Variants in LAMA3 observed in about 807,000 individuals in gnomAD.
The protein encoded by LAMA3 is laminin subunit alpha-3.
In LAMA3, 281 loss-of-function variants were observed where a neutral mutation model predicts 402.0. The observed-to-expected ratio is 0.70, with a 90% CI of 0.63 to 0.77. The LOEUF (loss-of-function observed/expected upper bound fraction) is 0.77, where lower values mean the gene tolerates loss of function less well. Among genes scored for constraint, LAMA3 ranks in the 30% least tolerant of loss-of-function variants. The pLI, the probability that LAMA3 is intolerant of heterozygous loss-of-function variation, is 0.00. For synonymous variants in LAMA3, 1,431 were observed against 1,558.4 expected, an observed-to-expected ratio of 0.92 and a Z score of 1.93; for missense variants, 3,840 against 4,215.5, an observed-to-expected ratio of 0.91 and a Z score of 2.47.
At chr18:23,863,350 C>T (rs1223431437) in intron 35 of LAMA3, among the ~76,000 whole-genome samples, 1 of 152,152 alleles carries the variant, frequency 6.6e-6, no homozygotes, top group Non-Finnish European at 1.5e-5. Flanking sequence ...GAGGCTGAGC[C>T]AGGAGAATCA....
At chr18:23,794,979 T>G (rs1345300920) in intron 12 of LAMA3, among the ~76,000 whole-genome samples, 1 of 152,220 alleles carries the variant, frequency 6.6e-6, no homozygotes. Context: ...CAGAGTATTA[T>G]TCCATCCAGT....
At chr18:23,877,782 A>G (rs551206905) in intron 39 of LAMA3, among the ~76,000 whole-genome samples, 1 of 152,332 alleles carries the variant, frequency 6.6e-6, no homozygotes, top group South Asian at 2.1e-4. Context: ...TTGATATTGT[A>G]TGTTTTGTGT....
intron 1 of LAMA3, among the ~76,000 whole-genome samples, chr18:23,700,723 A>C (rs1444164999): frequency 1.3e-5 from 2 of 152,030 alleles, no homozygotes; most frequent in Non-Finnish European, 2.9e-5. Flanking sequence ...TTTGAGGCAC[A>C]ATCTCACTCT....
At chr18:23,810,601 C>G (rs1033329190) in intron 13 of LAMA3, 98 bp downstream of exon 13, 6 of 1,320,776 alleles carry the variant, frequency 4.5e-6, no homozygotes, top group Non-Finnish European at 6.5e-6. Flanking sequence ...AGACTCACCA[C>G]TGGCCACCCC....
intron 2 of LAMA3, among the ~76,000 whole-genome samples, chr18:23,747,184 G>A (rs1393352454): frequency 6.6e-6 from 1 of 152,096 alleles, no homozygotes; most frequent in Admixed American, 6.6e-5. Context: ...AGGCTCTTTG[G>A]GAAATAGGAC....
At chr18:23,747,659 A>G (rs543499616) in intron 2 of LAMA3, among the ~76,000 whole-genome samples, 1 of 152,258 alleles carries the variant, frequency 6.6e-6, no homozygotes, top group South Asian at 2.1e-4. Context: ...GATACACTGT[A>G]GACTGGTTGC....
chr18:23,763,512 A>T lies in LAMA3; in HGVS notation c.1171A>T (p.Ile391Phe), dbSNP rs774327823. Residue 391 changes from isoleucine to phenylalanine, a missense_variant, in exon 8 of 75, where the codon ATT (isoleucine) becomes TTT (phenylalanine). Ile to Phe is a conservative substitution (Grantham distance 21). Coordinates refer to ENST00000313654, the MANE Select transcript of LAMA3 (RefSeq NM_198129.4). ...QGIYAGGGVCINCQHNTAGVN... is the reference protein window; with the variant it reads ...QGIYAGGGVCFNCQHNTAGVN... ...CATCTATGCTGGTGGAGGGGTCTGCATTAACTGTCAGGTGAGGCACTATTT... is the reference window on the plus strand; with the variant it reads ...CATCTATGCTGGTGGAGGGGTCTGCTTTAACTGTCAGGTGAGGCACTATTT... The T allele has an allele frequency of 6.3e-7, 1 of 1,595,534 alleles. No individual in the cohort carries two copies. The highest frequency in any genetic ancestry group is 8.6e-7 in the Non-Finnish European group (1 of 1,163,076).
chr18:23,717,906 C>T (rs12957301), intron 2 of LAMA3, among the ~76,000 whole-genome samples: 71,001 of 151,336 alleles, frequency 0.47, 18,939 homozygotes, highest in Non-Finnish European at 0.61. Context: ...CCCCTTAAAA[C>T]GTGGTAAATG....
At position 23,931,395 on chromosome 18, in the gene LAMA3, G is replaced by A. The variant is rs748945410; in HGVS notation, c.8576+194G>A. ...TAAACTGCCACACATGGTGGCTCAT[G>A]TCTGTAATCCCAACAACTAAGAAGG... On this transcript the variant is annotated intron_variant, in intron 65 of 74. Transcript: ENST00000313654. 14 of 596,392 alleles carry A rather than the reference G, an allele frequency of 2.3e-5. No individual in the cohort carries two copies. In the South Asian group the frequency reaches 2.4e-4, roughly 10 times the overall value. 36.9% of individuals were successfully genotyped at this position (596,392 alleles called of 1,614,324 possible).
intron 32 of LAMA3, among the ~76,000 whole-genome samples, chr18:23,853,065 C>T (rs2063981950): frequency 6.6e-6 from 1 of 152,150 alleles, no homozygotes; most frequent in Non-Finnish European, 1.5e-5. Flanking sequence ...CATTCTAGGT[C>T]CTGTGTCCGC....
intron 51 of LAMA3, 98 bp from the exon 52 acceptor site, chr18:23,905,424 A>G: frequency 2.7e-6 from 2 of 747,736 alleles, no homozygotes; most frequent in Non-Finnish European, 2.4e-6. Flanking sequence ...TTTGAACTTC[A>G]TCCTTAAAAT....
chr18:23,930,787 C>A (rs191345647), intron 64 of LAMA3, among the ~76,000 whole-genome samples: 1 of 151,874 alleles, frequency 6.6e-6, no homozygotes, highest in Non-Finnish European at 1.5e-5. Flanking sequence ...TTTGTATAGT[C>A]GATTGAGAAA....
At chr18:23,845,218 C>G (rs1314027043) in intron 30 of LAMA3, 94 bp downstream of exon 30, 1 of 761,644 alleles carries the variant, frequency 1.3e-6, no homozygotes, top group African/African-American at 1.7e-5. Context: ...CCCATGGATC[C>G]GTCCTCTTCC....
At chr18:23,710,674 T>C (rs2060974765) in intron 1 of LAMA3, among the ~76,000 whole-genome samples, 1 of 152,100 alleles carries the variant, frequency 6.6e-6, no homozygotes, top group African/African-American at 2.4e-5. Context: ...GACATTGAGA[T>C]GTAAGGTAAA....
chr18:23,792,090 G>T (rs1253979845), intron 12 of LAMA3, among the ~76,000 whole-genome samples: 2 of 152,176 alleles, frequency 1.3e-5, no homozygotes, highest in Non-Finnish European at 2.9e-5. Flanking sequence ...TAGGAGAGTG[G>T]AGGAGAGATA....
At position 23,871,648 on chromosome 18, in the gene LAMA3, G is replaced by A. The variant is rs1295926838; in HGVS notation, c.4985G>A (p.Gly1662Asp). The change falls in exon 38 of 75, where the codon GGT becomes GAT. Residue 1662 changes from glycine (G) to aspartate (D), a missense_variant. Transcript: ENST00000313654. ...TGTGCCTGCCCCCCTGCCTACGCTG[G>A]TGACTCTTGTCAGGTAGGAAGTTTT... ...EICACPPAYA[G>D]DSCQGCSPGY... 5.0e-6 allele frequency: 8 copies of A among 1,606,428 alleles called. No homozygotes were observed. The highest frequency in any genetic ancestry group is 3.4e-5 in the Admixed American group (2 of 58,514).
chr18:23,918,744 G>A lies in LAMA3; in HGVS notation c.7923+2049G>A, dbSNP rs1437540034. ...GTTGCTCTCACGGAGTATTTCTGAA[G>A]AAATGTGGATGAGCCCAAAGGCTTT... On this transcript the variant is annotated intron_variant, in intron 60 of 74. Transcript: ENST00000313654. The surrounding 1 kb of genome is among the most constrained non-coding windows in gnomAD (Gnocchi z 4.1). Among the ~76,000 whole-genome samples, 1 of 152,206 alleles carries A rather than the reference G, an allele frequency of 6.6e-6. No homozygotes were observed. Among genetic ancestry groups the A allele is most frequent in the Non-Finnish European group, 1.5e-5 (1 of 68,034 alleles).
chr18:23,810,464 A>G lies in LAMA3; in HGVS notation c.1702A>G (p.Arg568Gly). 6.2e-7 allele frequency: 1 copy of G among 1,614,146 alleles called. No homozygotes were observed. Among genetic ancestry groups the G allele is most frequent in the Non-Finnish European group, 8.5e-7 (1 of 1,180,022 alleles). ...AGGAGTTACAGGACAGCGGTGTGAC[A>G]GGTGTCTCTCAGGAGCTTATGATTT... ...RPGVTGQRCD[R>G]CLSGAYDFPH... is the part of the protein sequence containing the mutation. The change falls in exon 13 of 75, where the codon AGG (arginine) becomes GGG (glycine). Residue 568 changes from arginine to glycine, a missense_variant. By Grantham distance (125) the Arg-to-Gly change is moderately radical. This residue lies in a region of LAMA3 where 2,109 missense variants were observed against 2,376.0 expected (regional missense o/e 0.89). Transcript: ENST00000313654.
chr18:23,736,466 T>G (rs527463658), intron 2 of LAMA3, among the ~76,000 whole-genome samples: 1 of 151,918 alleles, frequency 6.6e-6, no homozygotes, highest in South Asian at 2.1e-4. Context: ...TATATAATAT[T>G]GCCTTGGGGG....
Sources: allele counts gnomAD v4.1 joint callset (sites outside exome capture counted in the v4.1 genomes callset), GRCh38; gene constraint gnomAD v4.1.1; regional missense constraint gnomAD v4.1.1; non-coding constraint Gnocchi (gnomAD v3.1); transcripts MANE v1.5; gene names NCBI Gene and HGNC (gene_info 2026-07-23, HGNC 2026-07-21).